Variants in FYN observed in about 807,000 individuals in gnomAD.
FYN encodes the protein tyrosine-protein kinase Fyn.
FYN carries 10 observed loss-of-function variants against 70.2 expected under a neutral mutation model. The ratio of observed to expected loss-of-function variants is 0.14; its 90% CI spans 0.09 to 0.24. FYN has a LOEUF of 0.24. Among genes scored for constraint, FYN ranks in the 10% least tolerant of loss-of-function variants. The pLI is 1.00. For missense variants in FYN, 319 were observed against 673.1 expected, an observed-to-expected ratio of 0.47 and a Z score of 5.82; for synonymous variants, 236 against 248.6, an observed-to-expected ratio of 0.95 and a Z score of 0.48.
At chr6:111,687,707 C>T (rs1288468828) in intron 12 of FYN, among the ~76,000 whole-genome samples, 4 of 151,990 alleles carry the variant, frequency 2.6e-5, no homozygotes, top group Non-Finnish European at 5.9e-5. Flanking sequence ...AATAATATTA[C>T]TATTACTACT....
intron 5 of FYN, 117 bp from the exon 6 acceptor site, chr6:111,708,137 A>C: frequency 2.7e-6 from 2 of 740,950 alleles, no homozygotes; most frequent in Non-Finnish European, 4.7e-6. Flanking sequence ...CGATTTCTCC[A>C]ACCTATTCCT....
chr6:111,774,190 T>C (rs1376406924), intron 3 of FYN, among the ~76,000 whole-genome samples: 5 of 152,080 alleles, frequency 3.3e-5, no homozygotes, highest in African/African-American at 9.7e-5. Flanking sequence ...CCATATGGAG[T>C]GGGCCATGCC....
chr6:111,691,955 C>T (rs1355886106), intron 12 of FYN, among the ~76,000 whole-genome samples: 1 of 152,074 alleles, frequency 6.6e-6, no homozygotes, highest in East Asian at 1.9e-4. Context: ...CTATTGTTTC[C>T]CTGCTTGGTC....
intron 12 of FYN, among the ~76,000 whole-genome samples, chr6:111,692,159 G>A (rs1233583464): frequency 6.7e-6 from 1 of 149,108 alleles, no homozygotes; most frequent in Non-Finnish European, 1.5e-5. Flanking sequence ...TCTTTCTAGT[G>A]TTTGGCATGG....
intron 2 of FYN, among the ~76,000 whole-genome samples, chr6:111,831,005 T>C (rs1773000311): frequency 6.6e-6 from 1 of 152,190 alleles, no homozygotes; most frequent in South Asian, 2.1e-4. Context: ...TCCACACATA[T>C]CTTTGGGTCC....
chr6:111,770,644 T>A (rs1803407757), intron 3 of FYN, among the ~76,000 whole-genome samples: 1 of 152,206 alleles, frequency 6.6e-6, no homozygotes, highest in South Asian at 2.1e-4. Context: ...ATGAGAGGTT[T>A]ATTTAGCTCA....
intron 1 of FYN, among the ~76,000 whole-genome samples, chr6:111,849,916 C>T (rs536436069): frequency 2.0e-5 from 3 of 152,322 alleles, no homozygotes; most frequent in East Asian, 3.9e-4. Context: ...GAGCCTGTTT[C>T]GTTGTTTCCC....
intron 1 of FYN, 22 bp from the exon 2 acceptor site, chr6:111,846,651 A>G (rs997726674): frequency 5.3e-5 from 21 of 398,794 alleles, no homozygotes; most frequent in Non-Finnish European, 7.1e-5. Flanking sequence ...GAAAAAAAAA[A>G]GTGAGACATC....
Position 111,661,086 on chromosome 6 carries a change from C to T in FYN, c.*653G>A, listed in dbSNP as rs1037913654. ...TGCTTTGCAAAAGCCAAAAATGAGG[C>T]CACTGGTGTTTTCAGAATAACACCG... On this transcript the variant is annotated 3_prime_UTR_variant, in exon 14 of 14. Transcript: ENST00000354650. The surrounding 1 kb of genome is among the most constrained non-coding windows in gnomAD (Gnocchi z 4.0). 1.3e-5 allele frequency: 2 copies of T among 152,118 alleles called. No homozygotes were observed. The highest frequency in any genetic ancestry group is 2.4e-5 in the African/African-American group (1 of 41,396). 9.4% of individuals were successfully genotyped at this position (152,118 alleles called of 1,614,324 possible).
At chr6:111,739,275 G>C (rs1801842162) in intron 3 of FYN, among the ~76,000 whole-genome samples, 1 of 152,250 alleles carries the variant, frequency 6.6e-6, no homozygotes, top group African/African-American at 2.4e-5. Flanking sequence ...GGACAGTGCA[G>C]GGCTCTGGCA....
chr6:111,796,215 T>C (rs1406968202), intron 2 of FYN, among the ~76,000 whole-genome samples: 1 of 152,248 alleles, frequency 6.6e-6, no homozygotes, highest in Non-Finnish European at 1.5e-5. Flanking sequence ...TTTAATTGTA[T>C]TTATTGCCAA....
At chr6:111,699,214 A>G (rs915918164) in intron 9 of FYN, among the ~76,000 whole-genome samples, 1 of 152,206 alleles carries the variant, frequency 6.6e-6, no homozygotes, top group Non-Finnish European at 1.5e-5. Flanking sequence ...CAAAACGTCC[A>G]TGGTCTTTCT....
intron 3 of FYN, among the ~76,000 whole-genome samples, chr6:111,743,864 C>G (rs966070478): frequency 2.0e-5 from 3 of 152,312 alleles, no homozygotes; most frequent in African/African-American, 2.4e-5. Flanking sequence ...CTGAAAAGAT[C>G]TGGCTCTCTT....
At chr6:111,736,317 C>G (rs1738809927) in intron 3 of FYN, among the ~76,000 whole-genome samples, 1 of 152,176 alleles carries the variant, frequency 6.6e-6, no homozygotes, top group African/African-American at 2.4e-5. Context: ...TTAACACATT[C>G]TTTGGGCTAG....
intron 3 of FYN, among the ~76,000 whole-genome samples, chr6:111,755,309 C>T (rs9400496): frequency 6.6e-6 from 1 of 151,912 alleles, no homozygotes; most frequent in Non-Finnish European, 1.5e-5. Flanking sequence ...ATAAAAAAAA[C>T]CAGTATTTTG....
rs142086717 is a variant in FYN at position 111,766,529 on chromosome 6, A to G, written c.-12+14037T>C. Among the ~76,000 whole-genome samples the G allele has an allele frequency of 1.6e-3, 245 of 152,344 alleles. 2 individuals carry two copies. Among genetic ancestry groups the G allele is most frequent in the African/African-American group, 5.7e-3 (235 of 41,568 alleles). On this transcript the variant is annotated intron_variant, in intron 3 of 13. Transcript: ENST00000354650. ...GCTGTCTATATTAGTCCATTCTCAC[A>G]CTGCTAATAAAGACATACATGAGAC...
intron 2 of FYN, among the ~76,000 whole-genome samples, chr6:111,818,224 C>T (rs144109864): frequency 6.6e-6 from 1 of 152,236 alleles, no homozygotes; most frequent in Non-Finnish European, 1.5e-5. Flanking sequence ...CTGAGAGAAA[C>T]GAAGAGGGAC....
chr6:111,685,407 T>C (rs2237260), intron 12 of FYN, among the ~76,000 whole-genome samples: 76,722 of 152,074 alleles, frequency 0.5, 19,699 homozygotes, highest in Admixed American at 0.61. Flanking sequence ...AAGACAAACA[T>C]CACTTTGGGG....
chr6:111,787,618 G>A (rs574211495), intron 2 of FYN, among the ~76,000 whole-genome samples: 1 of 152,344 alleles, frequency 6.6e-6, no homozygotes, highest in East Asian at 1.9e-4. Flanking sequence ...GGCCTGGTAT[G>A]CAGTAGGCAT....
Sources: gnomAD v4.1 joint callset for allele counts (sites outside exome capture counted in the v4.1 genomes callset) on GRCh38, gnomAD v4.1.1 for gene constraint, Gnocchi (gnomAD v3.1) non-coding constraint, MANE v1.5 for transcripts, NCBI Gene and HGNC (gene_info 2026-07-23, HGNC 2026-07-21) for gene names.